The following OPCML variants were observed in gnomAD, a reference collection of about 807,000 sequenced individuals.
OPCML encodes the protein opioid binding protein/cell adhesion molecule like.
In OPCML, 13 loss-of-function variants were observed where a neutral mutation model predicts 37.8. The observed-to-expected ratio is 0.34, with a 90% confidence interval of 0.22 to 0.55. OPCML has a LOEUF of 0.55. Ranked by LOEUF, OPCML falls within the 20% of genes least tolerant of loss-of-function variation. The probability of loss-of-function intolerance (pLI) is 0.91; values close to 1 mark genes in which losing one functional copy is unlikely to be tolerated. For synonymous variants in OPCML, 176 were observed against 168.8 expected (o/e 1.04, Z -0.33); for missense variants, 341 against 435.6 (o/e 0.78, Z 1.93).
At chr11:132,486,067 T>A (rs2096198869) in intron 4 of OPCML, among the ~76,000 whole-genome samples, 1 of 152,220 alleles carries the variant, frequency 6.6e-6, no homozygotes, top group African/African-American at 2.4e-5. Flanking sequence ...GTATTGTCAG[T>A]CACATTTATT....
intron 1 of OPCML, among the ~76,000 whole-genome samples, chr11:133,102,515 G>T (rs767618285): frequency 6.6e-6 from 1 of 152,182 alleles, no homozygotes. Context: ...TTGGGAGGCC[G>T]AGGTGGGTGG....
chr11:132,774,929 C>A (rs547975874), intron 2 of OPCML, among the ~76,000 whole-genome samples: 1 of 152,306 alleles, frequency 6.6e-6, no homozygotes, highest in East Asian at 1.9e-4. Context: ...AGGGTGAGAG[C>A]CATATCATGT....
At chr11:133,186,249 G>T (rs986494742) in intron 1 of OPCML, among the ~76,000 whole-genome samples, 1 of 152,176 alleles carries the variant, frequency 6.6e-6, no homozygotes, top group African/African-American at 2.4e-5. Context: ...CTCCAAAAGA[G>T]AAGTTTTTAC....
chr11:133,311,132 C>T (rs1943058380), intron 1 of OPCML, among the ~76,000 whole-genome samples: 1 of 152,140 alleles, frequency 6.6e-6, no homozygotes, highest in African/African-American at 2.4e-5. Context: ...TAGTTACTCC[C>T]CTCACCACCT....
At chr11:132,798,257 G>C (rs1276518335) in intron 2 of OPCML, among the ~76,000 whole-genome samples, 2 of 152,018 alleles carry the variant, frequency 1.3e-5, no homozygotes, top group African/African-American at 4.8e-5. Flanking sequence ...TTTTGGTAGA[G>C]ATGGGGTTTT....
At chr11:133,103,522 T>C (rs917702268) in intron 1 of OPCML, among the ~76,000 whole-genome samples, 8 of 152,170 alleles carry the variant, frequency 5.3e-5, no homozygotes, top group Non-Finnish European at 7.4e-5. Flanking sequence ...TGGATTAGAA[T>C]AAAACAAAAT....
At chr11:133,228,966 G>A (rs1209962514) in intron 1 of OPCML, among the ~76,000 whole-genome samples, 2 of 152,122 alleles carry the variant, frequency 1.3e-5, no homozygotes, top group Non-Finnish European at 1.5e-5. Flanking sequence ...GTGTCCCAGT[G>A]GCACCGCGTA....
chr11:132,842,107 C>T (rs915852425), intron 2 of OPCML, among the ~76,000 whole-genome samples: 1 of 152,094 alleles, frequency 6.6e-6, no homozygotes, highest in Admixed American at 6.6e-5. Flanking sequence ...CTTTCCTATT[C>T]ATGAAATTGG....
At chr11:133,094,064 A>G (rs2137057801) in intron 1 of OPCML, among the ~76,000 whole-genome samples, 1 of 152,200 alleles carries the variant, frequency 6.6e-6, no homozygotes, top group Admixed American at 6.5e-5. Flanking sequence ...CCTTATTTTA[A>G]TGGCATTATT....
intron 1 of OPCML, among the ~76,000 whole-genome samples, chr11:133,220,808 A>G (rs1399301548): frequency 6.6e-6 from 1 of 151,942 alleles, no homozygotes; most frequent in Non-Finnish European, 1.5e-5. Flanking sequence ...GAGCCTCTAA[A>G]TGCTTAACAG....
chr11:133,333,433 C>G (rs1441298433), intron 1 of OPCML, among the ~76,000 whole-genome samples: 2 of 152,094 alleles, frequency 1.3e-5, no homozygotes, highest in African/African-American at 4.8e-5. Flanking sequence ...AGATAACTAG[C>G]TAGCCATATG....
At chr11:132,543,948 C>T (rs2096363140) in intron 3 of OPCML, among the ~76,000 whole-genome samples, 1 of 152,052 alleles carries the variant, frequency 6.6e-6, no homozygotes, top group Admixed American at 6.6e-5. Flanking sequence ...AGGATTATAT[C>T]CACATTTTCT....
chr11:132,977,880 T>G (rs1450486048), intron 1 of OPCML, among the ~76,000 whole-genome samples: 2 of 152,342 alleles, frequency 1.3e-5, no homozygotes, highest in Middle Eastern at 6.8e-3. Context: ...AAGGAGTTTA[T>G]GATCTCATTG....
At chr11:132,564,634 T>G (rs1446523222) in intron 3 of OPCML, among the ~76,000 whole-genome samples, 2 of 152,164 alleles carry the variant, frequency 1.3e-5, no homozygotes, top group African/African-American at 4.8e-5. Flanking sequence ...GAAAGTAGGC[T>G]TCCAAAATGA....
chr11:132,640,712 G>A (rs1261046339), intron 3 of OPCML, among the ~76,000 whole-genome samples: 1 of 152,164 alleles, frequency 6.6e-6, no homozygotes, highest in Non-Finnish European at 1.5e-5. Context: ...TAACGCAGTA[G>A]TTACGGTGTG....
chr11:132,965,700 T>C (rs1023741141), intron 1 of OPCML, among the ~76,000 whole-genome samples: 2 of 152,100 alleles, frequency 1.3e-5, no homozygotes, highest in African/African-American at 2.4e-5. Context: ...GCCCAGCTAA[T>C]TTTTGTCTTT....
At chr11:132,869,519 T>TAA (rs77090401) in intron 2 of OPCML, among the ~76,000 whole-genome samples, 1 of 151,146 alleles carries the variant, frequency 6.6e-6, no homozygotes, top group East Asian at 1.9e-4. Context: ...CACAAATGGT[T>TAA]AAAAAAAAAT....
intron 1 of OPCML, among the ~76,000 whole-genome samples, chr11:133,238,530 T>C (rs1940608798): frequency 6.6e-6 from 1 of 152,220 alleles, no homozygotes; most frequent in Non-Finnish European, 1.5e-5. Flanking sequence ...ATCACCGGTG[T>C]GGCTCACGTA....
intron 3 of OPCML, among the ~76,000 whole-genome samples, chr11:132,640,589 A>G (rs1460779714): frequency 6.6e-6 from 1 of 152,112 alleles, no homozygotes; most frequent in Non-Finnish European, 1.5e-5. Flanking sequence ...TTGAGCGTCT[A>G]ATCTATGTGA....
Sources: gnomAD v4.1 joint callset for allele counts (sites outside exome capture counted in the v4.1 genomes callset) on GRCh38, gnomAD v4.1.1 for gene constraint, MANE v1.5 for transcripts, NCBI Gene and HGNC (gene_info 2026-07-23, HGNC 2026-07-21) for gene names.